Variants in HMG20B observed in about 807,000 individuals in gnomAD.
HMG20B encodes high mobility group 20B.
Under a neutral mutation model 41.6 loss-of-function variants are expected in HMG20B, and 24 were observed. The observed-to-expected ratio is 0.58, with a 90% CI of 0.42 to 0.81. The LOEUF (loss-of-function observed/expected upper bound fraction) is 0.81. Ranked by LOEUF, HMG20B falls within the 30% of genes least tolerant of loss-of-function variation. HMG20B has a pLI of 0.00. For synonymous variants in HMG20B, 251 were observed against 186.6 expected (o/e 1.34, Z -2.81); for missense variants, 461 against 444.0 (o/e 1.04, Z -0.34).
At chr19:3,578,389 C>T (rs2032220414) in intron 9 of HMG20B, 120 bp from the exon 10 acceptor site, 5 of 1,367,674 alleles carry the variant, frequency 3.7e-6, no homozygotes, top group Admixed American at 2.9e-5. Flanking sequence ...CAACGCCTGT[C>T]CCCCAACCCT....
intron 5 of HMG20B, chr19:3,575,955 AAAAAG>A (rs1444663109): frequency 9.1e-5 from 46 of 505,124 alleles, no homozygotes; most frequent in African/African-American, 6.6e-4. Flanking sequence ...AAAAAAAAAA[AAAAAG>A]AAAAAGAAAA....
intron 6 of HMG20B, 112 bp downstream of exon 6, chr19:3,576,419 A>G (rs2145256793): frequency 7.5e-7 from 1 of 1,340,758 alleles, no homozygotes; most frequent in Middle Eastern, 1.8e-4. Flanking sequence ...GGGCGGTGCC[A>G]CTGCACCGTG....
At position 3,578,830 on chromosome 19, in the gene HMG20B, A is replaced by C. The variant is rs2032232776; in HGVS notation, c.*309A>C. The C allele has an allele frequency of 1.5e-6, 1 of 674,356 alleles. No homozygotes were observed. The highest frequency in any genetic ancestry group is 1.9e-5 in the Admixed American group (1 of 52,650). The allele number at this position is 674,356 out of a possible 1,614,324, so 41.8% of individuals were successfully genotyped here. Reference sequence around the variant, plus strand: ...CCGGGCCACCCCCAGGACACAGGGCAGACGAAACCCACCCCCAGCACACGG... The same window carrying C: ...CCGGGCCACCCCCAGGACACAGGGCCGACGAAACCCACCCCCAGCACACGG... On this transcript the variant is annotated 3_prime_UTR_variant, in exon 10 of 10. Coordinates refer to ENST00000333651, the MANE Select transcript of HMG20B (RefSeq NM_006339.3).
intron 6 of HMG20B, 66 bp downstream of exon 6, chr19:3,576,373 G>C: frequency 1.3e-6 from 2 of 1,530,566 alleles, no homozygotes; most frequent in Non-Finnish European, 9.1e-7. Flanking sequence ...AGAACCCTGA[G>C]TCAGAGCCAG....
At chr19:3,574,685 C>A in intron 4 of HMG20B, 99 bp downstream of exon 4, 13 of 1,065,294 alleles carry the variant, frequency 1.2e-5, no homozygotes, top group South Asian at 1.6e-5. Flanking sequence ...GTTTTTCCTT[C>A]TTCCTGGAGA....
chr19:3,575,368 G>A, intron 4 of HMG20B, 172 bp from the exon 5 acceptor site: 1 of 1,125,204 alleles, frequency 8.9e-7, no homozygotes, highest in South Asian at 1.6e-5. Context: ...TGAGGTGGGA[G>A]CTCGGAGGTC....
In HMG20B at chr19:3,573,299, C is replaced by T. The variant is rs2032081276; in HGVS notation, c.-11C>T. 3 of 1,524,596 alleles carry T rather than the reference C, an allele frequency of 2.0e-6. No individual in the cohort carries two copies. The highest frequency in any genetic ancestry group is 8.8e-7 in the Non-Finnish European group (1 of 1,139,344). The allele number at this position is 1,524,596 out of a possible 1,614,324, so 94.4% of individuals were successfully genotyped here. A position where few individuals can be genotyped will look rare whatever the true frequency, so the allele number is the denominator to read the frequency against. The stretch of plus-strand genomic sequence containing the variant: ...CCCGCGTCCGTGTTCCAGGTCCGGC[C>T]CGGAGCGGCCATGTCCCACGGCCCC... On this transcript the variant is annotated 5_prime_UTR_variant, in exon 2 of 10. Coordinates refer to ENST00000333651, the MANE Select transcript of HMG20B (RefSeq NM_006339.3).
In HMG20B at chr19:3,576,990, CGCGA is replaced by C. The variant is rs756821059; in HGVS notation, c.695_698del (p.Glu232ValfsTer211). On this transcript the variant is annotated frameshift_variant, in exon 8 of 10. Coordinates refer to ENST00000333651, the MANE Select transcript of HMG20B (RefSeq NM_006339.3). LOFTEE classifies it high-confidence loss of function. ...GCACACGCAGAGCATGAGCAGCGCGCGCGAGCGTCTGGAGCAGGAGCTGGCGCTG... is the reference window on the plus strand; with the variant it reads ...GCACACGCAGAGCATGAGCAGCGCGCGCGTCTGGAGCAGGAGCTGGCGCTG... The C allele has an allele frequency of 6.4e-7, 1 of 1,566,208 alleles. No individual in the cohort carries two copies. Among genetic ancestry groups the C allele is most frequent in the South Asian group, 1.2e-5 (1 of 85,134 alleles).
rs2145253990 is a variant in HMG20B at position 3,574,439 on chromosome 19, T to C, written c.204T>C (p.Asn68=). 6.2e-7 allele frequency: 1 copy of C among 1,609,090 alleles called. No individual in the cohort carries two copies. Among genetic ancestry groups the C allele is most frequent in the Non-Finnish European group, 8.5e-7 (1 of 1,178,382 alleles). Residue 68 remains asparagine (N), a synonymous_variant, in exon 4 of 10, where the codon AAT becomes AAC. Transcript: ENST00000333651. ...KGKKRKKILP[N]GPKAPVTGYV... ...AGAAGCGGAAGAAGATTCTGCCGAA[T>C]GGGCCCAAGGCACCGGTCACGGGCT... is the stretch of plus-strand genomic sequence containing the variant.
At position 3,573,713 on chromosome 19, in the gene HMG20B, G is replaced by T. The variant is rs773667473; in HGVS notation, c.60G>T (p.Pro20=). 1.3e-6 allele frequency: 2 copies of T among 1,511,738 alleles called. No homozygotes were observed. Among genetic ancestry groups the T allele is most frequent in the Non-Finnish European group, 8.8e-7 (1 of 1,135,210 alleles). 93.6% of individuals were successfully genotyped at this position (1,511,738 alleles called of 1,614,324 possible). A position where few individuals can be genotyped will look rare whatever the true frequency, so the allele number is the denominator to read the frequency against. The change falls in exon 3 of 10, where the codon CCG becomes CCT. Residue 20 remains proline (P), a synonymous_variant. Coordinates refer to ENST00000333651, the MANE Select transcript of HMG20B (RefSeq NM_006339.3). ...CCAGGCCGGCGGGCGGCAAGGCTCCGGGCCAGCATGGGGGCTTCGTGGTGA... is the reference window on the plus strand; with the variant it reads ...CCAGGCCGGCGGGCGGCAAGGCTCCTGGCCAGCATGGGGGCTTCGTGGTGA... ...AAAAPAGGKA[P]GQHGGFVVTV...
intron 1 of HMG20B, 104 bp from the exon 2 acceptor site, chr19:3,573,188 C>T: frequency 1.1e-6 from 1 of 944,108 alleles, no homozygotes; most frequent in Non-Finnish European, 1.5e-6. Flanking sequence ...CCCCAGCGCT[C>T]CGGGCCCGGC....
chr19:3,576,443 T>C (rs1193643896), intron 6 of HMG20B, 110 bp from the exon 7 acceptor site: 2 of 1,332,042 alleles, frequency 1.5e-6, no homozygotes, highest in Middle Eastern at 1.8e-4. Flanking sequence ...TCGCTGTTGA[T>C]TGTACTCCCA....
intron 4 of HMG20B, 49 bp from the exon 5 acceptor site, chr19:3,575,491 T>C (rs773345196): frequency 1.9e-6 from 3 of 1,553,748 alleles, no homozygotes; most frequent in African/African-American, 1.4e-5. Context: ...GACTGGATCC[T>C]GGCGTTGGAG....
chr19:3,575,787 T>C, intron 5 of HMG20B, 127 bp downstream of exon 5: 1 of 745,456 alleles, frequency 1.3e-6, no homozygotes. Flanking sequence ...CTACTAAAAA[T>C]ACAAAAATTA....
rs748086059 is a variant in HMG20B at position 3,575,545 on chromosome 19, C to T, written c.357C>T (p.Tyr119=). The part of the protein sequence containing the change: ...SKLQPTEKQR[Y]LDEAEREKQQ... ...CTTCTGGTGCTGCCCCCCAGCGGTA[C>T]CTGGATGAGGCCGAGAGAGAGAAGC... The change falls in exon 5 of 10, where the codon TAC becomes TAT. Residue 119 remains tyrosine (Y), a synonymous_variant. Transcript: ENST00000333651. The T allele has an allele frequency of 1.2e-5, 18 of 1,563,462 alleles. No homozygotes were observed. The African/African-American group carries it at 1.8e-4, about 15-fold the overall frequency.
chr19:3,575,663 G>C lies in HMG20B; in HGVS notation c.472+3G>C. 1 of 1,549,736 alleles carries C rather than the reference G, an allele frequency of 6.5e-7. No homozygotes were observed. The highest frequency in any genetic ancestry group is 8.7e-7 in the Non-Finnish European group (1 of 1,146,628). ...CCAGGAGAAGAAGATCAAGAAAGGT[G>C]GGAGGGGTCGGGCGCGGTGGCTCAC... On this transcript the variant is annotated splice_donor_region_variant and intron_variant, in intron 5 of 9. Coordinates refer to ENST00000333651, the MANE Select transcript of HMG20B (RefSeq NM_006339.3).
In HMG20B at chr19:3,578,680, C is replaced by G; in HGVS notation, c.*159C>G. The G allele has an allele frequency of 1.0e-6, 1 of 959,778 alleles. No homozygotes were observed. Among genetic ancestry groups the G allele is most frequent in the Non-Finnish European group, 1.6e-6 (1 of 612,592 alleles). 59.5% of individuals were successfully genotyped at this position (959,778 alleles called of 1,614,324 possible). On this transcript the variant is annotated 3_prime_UTR_variant, in exon 10 of 10. Transcript: ENST00000333651. Reference sequence around the variant, plus strand: ...CTAAAATTAAATTTCTGCAGCATCCCTTTAGCTTTCAATCTCCCCAGCCCC... The same window carrying G: ...CTAAAATTAAATTTCTGCAGCATCCGTTTAGCTTTCAATCTCCCCAGCCCC...
chr19:3,574,708 T>C, intron 4 of HMG20B, 122 bp downstream of exon 4: 1 of 769,304 alleles, frequency 1.3e-6, no homozygotes. Context: ...TGCCCACCCA[T>C]AACCAACTTT....
chr19:3,578,108 C>T lies in HMG20B; in HGVS notation c.936C>T (p.Val312=), dbSNP rs1050290572. The stretch of plus-strand genomic sequence containing the variant: ...GCATCAAGGAAATCCTGGCCCAGGT[C>T]GCCAGGTGTGTGCCGGGCGAGGCGG... ...IVRIKEILAQ[V]ASEHL Residue 312 remains valine (V), a synonymous_variant, in exon 9 of 10, where the codon GTC becomes GTT. Transcript: ENST00000333651. The T allele has an allele frequency of 7.4e-6, 12 of 1,610,988 alleles. No individual in the cohort carries two copies. Among genetic ancestry groups the T allele is most frequent in the South Asian group, 1.1e-5 (1 of 91,060 alleles).
Sources: allele counts gnomAD v4.1 joint callset, GRCh38; gene constraint gnomAD v4.1.1; transcripts MANE v1.5; gene names NCBI Gene and HGNC (gene_info 2026-07-23, HGNC 2026-07-21).